The following HDAC4 variants were observed in gnomAD, a reference collection of about 807,000 sequenced individuals.
HDAC4 encodes histone deacetylase 4, also known as histone deacetylase A.
Under a neutral mutation model 135.1 loss-of-function variants are expected in HDAC4, and 16 were observed. The ratio of observed to expected loss-of-function variants is 0.12; its 90% CI spans 0.08 to 0.18. The LOEUF is 0.18. Ranked by LOEUF, HDAC4 falls within the 10% of genes least tolerant of loss-of-function variation. The pLI is 1.00. For synonymous variants in HDAC4, 685 were observed against 653.4 expected, an observed-to-expected ratio of 1.05 and a Z score of -0.74; for missense variants, 1,143 against 1,511.8, an observed-to-expected ratio of 0.76 and a Z score of 4.05.
At chr2:239,321,464 C>CAAAAA (rs10530231) in intron 2 of HDAC4, among the ~76,000 whole-genome samples, 4 of 56,278 alleles carry the variant, frequency 7.1e-5, no homozygotes, top group Non-Finnish European at 1.3e-4. Flanking sequence ...GACTCCGTCT[C>CAAAAA]AAAAAAAAAA....
chr2:239,126,769 G>A (rs1478060066), intron 11 of HDAC4, 75 bp from the exon 12 acceptor site: 3 of 1,491,702 alleles, frequency 2.0e-6, no homozygotes, highest in Non-Finnish European at 2.8e-6. Flanking sequence ...TATTGAGTAA[G>A]TGATGGAGAC....
chr2:239,206,663 G>GAAAA (rs35571265), intron 3 of HDAC4, among the ~76,000 whole-genome samples: 1 of 130,924 alleles, frequency 7.6e-6, no homozygotes, highest in African/African-American at 2.8e-5. Flanking sequence ...CTCAAGGACT[G>GAAAA]AAAAAAAAAA....
chr2:239,148,260 G>A (rs150670751), intron 7 of HDAC4, among the ~76,000 whole-genome samples: 2 of 152,314 alleles, frequency 1.3e-5, no homozygotes, highest in East Asian at 3.9e-4. Flanking sequence ...AAACTAAAGT[G>A]CAGAAGGAAG....
chr2:239,294,029 G>A (rs2051695736), intron 2 of HDAC4, among the ~76,000 whole-genome samples: 1 of 152,208 alleles, frequency 6.6e-6, no homozygotes, highest in African/African-American at 2.4e-5. Flanking sequence ...AGAGAGAACT[G>A]GGCCACACAA....
intron 2 of HDAC4, among the ~76,000 whole-genome samples, chr2:239,296,793 G>A (rs191169347): frequency 6.6e-6 from 1 of 152,058 alleles, no homozygotes; most frequent in Non-Finnish European, 1.5e-5. Flanking sequence ...CCTCCGCCCG[G>A]GAGATTCTTC....
intron 2 of HDAC4, among the ~76,000 whole-genome samples, chr2:239,297,892 T>C (rs1443567877): frequency 6.6e-6 from 1 of 152,186 alleles, no homozygotes; most frequent in African/African-American, 2.4e-5. Context: ...ATAGTGTTCT[T>C]AGAATTCAAG....
At chr2:239,341,821 T>A (rs573510563) in intron 2 of HDAC4, among the ~76,000 whole-genome samples, 1 of 151,934 alleles carries the variant, frequency 6.6e-6, no homozygotes, top group East Asian at 1.9e-4. Context: ...AATGTTGGCG[T>A]CCCCCCCAAA....
chr2:239,391,500 C>A (rs1696210441), intron 1 of HDAC4, among the ~76,000 whole-genome samples: 1 of 152,288 alleles, frequency 6.6e-6, no homozygotes. Flanking sequence ...CCAAGACCTG[C>A]CAGCAGAGAG....
chr2:239,353,392 T>G (rs1280312784), intron 1 of HDAC4, among the ~76,000 whole-genome samples: 1 of 152,216 alleles, frequency 6.6e-6, no homozygotes, highest in Non-Finnish European at 1.5e-5. Context: ...ATACGAGCAG[T>G]GGGATTTTTG....
intron 6 of HDAC4, chr2:239,162,106 C>G (rs530200129): frequency 2.2e-6 from 1 of 456,588 alleles, no homozygotes; most frequent in African/African-American, 2.0e-5. Context: ...CTGTGCTCAC[C>G]GTGACCCCTG....
chr2:239,143,269 AAC>A (rs2041526921), intron 8 of HDAC4, among the ~76,000 whole-genome samples: 1 of 150,780 alleles, frequency 6.6e-6, no homozygotes, highest in Non-Finnish European at 1.5e-5. Flanking sequence ...TTAAAAAAAA[AAC>A]AACAAAAAAA....
chr2:239,315,935 A>G (rs947501356), intron 2 of HDAC4, among the ~76,000 whole-genome samples: 2 of 152,242 alleles, frequency 1.3e-5, no homozygotes, highest in African/African-American at 4.8e-5. Flanking sequence ...CAGCATGAGA[A>G]AGAATGTCAA....
intron 1 of HDAC4, among the ~76,000 whole-genome samples, chr2:239,362,799 G>T (rs1346359110): frequency 6.6e-6 from 1 of 152,168 alleles, no homozygotes; most frequent in African/African-American, 2.4e-5. Context: ...CCCTGGCAGA[G>T]ATCCTAGCCA....
chr2:239,136,290 A>G (rs1167994989), intron 9 of HDAC4, among the ~76,000 whole-genome samples: 1 of 152,168 alleles, frequency 6.6e-6, no homozygotes, highest in African/African-American at 2.4e-5. Flanking sequence ...AGAAAATGCC[A>G]TGTTTGTCTT....
At chr2:239,263,507 G>C (rs927018485) in intron 2 of HDAC4, among the ~76,000 whole-genome samples, 2 of 152,194 alleles carry the variant, frequency 1.3e-5, no homozygotes, top group African/African-American at 4.8e-5. Flanking sequence ...CCCAGGCAGG[G>C]CAGCTCTTGG....
At chr2:239,102,275 C>A (rs182494543) in intron 16 of HDAC4, among the ~76,000 whole-genome samples, 314 of 152,312 alleles carry the variant, frequency 2.1e-3, no homozygotes, top group African/African-American at 7.2e-3. Context: ...ACCAGCTCCC[C>A]GGGCAGAGGA....
intron 7 of HDAC4, among the ~76,000 whole-genome samples, chr2:239,147,692 G>A (rs544591921): frequency 6.6e-6 from 1 of 152,406 alleles, no homozygotes; most frequent in East Asian, 1.9e-4. Flanking sequence ...CCAAGCGTGG[G>A]TGAGGGCAGG....
chr2:239,163,093 C>CA (rs2042913475), intron 6 of HDAC4, among the ~76,000 whole-genome samples: 1 of 151,546 alleles, frequency 6.6e-6, no homozygotes, highest in African/African-American at 2.4e-5. Context: ...GAACTCTCCC[C>CA]CGAAGGCCTT....
Position 239,134,113 on chromosome 2 carries a change from T to C in HDAC4, c.1294+132A>G, listed in dbSNP as rs1165831638. On this transcript the variant is annotated intron_variant, in intron 11 of 26. Coordinates refer to ENST00000543185, the MANE Select transcript of HDAC4 (RefSeq NM_001378414.1). ...CGGTGGCTACATCACGTGATGGGGA[T>C]GTGTGTTTGGGAACTGTGGGGGTGG... 4.1e-6 allele frequency: 3 copies of C among 723,006 alleles called. No homozygotes were observed. In the African/African-American group the frequency reaches 5.2e-5, roughly 13 times the overall value. 44.8% of individuals were successfully genotyped at this position (723,006 alleles called of 1,614,324 possible).
Sources: allele counts gnomAD v4.1 joint callset (sites outside exome capture counted in the v4.1 genomes callset), GRCh38; gene constraint gnomAD v4.1.1; transcripts MANE v1.5; gene names NCBI Gene and HGNC (gene_info 2026-07-23, HGNC 2026-07-21).